ILDR1: variants seen among roughly 807,000 people sequenced by gnomAD.
ILDR1 encodes immunoglobulin-like domain-containing receptor 1.
ILDR1 carries 56 observed loss-of-function variants against 62.4 expected under a neutral mutation model. The ratio of observed to expected loss-of-function variants is 0.90; its 90% confidence interval spans 0.72 to 1.12. ILDR1 has a LOEUF of 1.12. Among genes scored for constraint, ILDR1 ranks in the 50% most tolerant of loss-of-function variants. ILDR1 has a pLI of 0.00. For missense variants in ILDR1, 736 were observed against 710.6 expected (o/e 1.04, Z -0.41); for synonymous variants, 284 against 277.8 (o/e 1.02, Z -0.22).
chr3:121,997,200 C>A (rs995103316), intron 5 of ILDR1, among the ~76,000 whole-genome samples: 1 of 152,208 alleles, frequency 6.6e-6, no homozygotes, highest in Non-Finnish European at 1.5e-5. Flanking sequence ...CATGCCCAGC[C>A]CTTGCCCTTC....
chr3:121,994,987 TG>T (rs916387669), intron 5 of ILDR1, among the ~76,000 whole-genome samples: 34 of 151,916 alleles, frequency 2.2e-4, no homozygotes, highest in African/African-American at 7.7e-4. Context: ...TTCTCAGGGG[TG>T]GGGTGGAAGC....
intron 1 of ILDR1, among the ~76,000 whole-genome samples, chr3:122,014,777 G>T (rs973564623): frequency 7.9e-5 from 12 of 151,836 alleles, no homozygotes; most frequent in African/African-American, 1.7e-4. Context: ...ATTTTTTTTT[G>T]ATAAACTACT....
chr3:122,052,162 A>C, the ILDR1 span, among the ~76,000 whole-genome samples: 1 of 152,198 alleles, frequency 6.6e-6, no homozygotes. Flanking sequence ...AGAAGAGGGC[A>C]CTGAGCTGTA....
chr3:122,021,868 C>T, intron 1 of ILDR1, 152 bp downstream of exon 1: 1 of 681,142 alleles, frequency 1.5e-6, no homozygotes, highest in Admixed American at 2.5e-5. Flanking sequence ...AAACTCGATC[C>T]AGTCCCCGCA....
intron 1 of ILDR1, among the ~76,000 whole-genome samples, chr3:122,011,677 T>TACACACACACACACACA (rs139879742): frequency 4.5e-5 from 6 of 133,138 alleles, no homozygotes; most frequent in African/African-American, 1.8e-4. Flanking sequence ...TCTCTCTCTT[T>TACACACACACACACACA]CACACACACA....
the ILDR1 span, among the ~76,000 whole-genome samples, chr3:122,031,260 T>A: frequency 2.0e-5 from 3 of 152,166 alleles, no homozygotes; most frequent in Non-Finnish European, 4.4e-5. Context: ...AGATCAGTAG[T>A]TTTCACACTG....
intron 5 of ILDR1, among the ~76,000 whole-genome samples, chr3:121,995,651 G>T (rs1424839202): frequency 6.6e-6 from 1 of 152,224 alleles, no homozygotes; most frequent in East Asian, 1.9e-4. Flanking sequence ...TGATCACCTG[G>T]AGCCTCCCTG....
At chr3:122,049,401 A>G in the ILDR1 span, among the ~76,000 whole-genome samples, 1 of 152,214 alleles carries the variant, frequency 6.6e-6, no homozygotes, top group African/African-American at 2.4e-5. Flanking sequence ...TTTGGTCTAT[A>G]GTGTCGATCA....
the ILDR1 span, among the ~76,000 whole-genome samples, chr3:122,040,337 T>C: frequency 2.0e-5 from 3 of 152,070 alleles, no homozygotes; most frequent in South Asian, 2.1e-4. Flanking sequence ...AGTTGGGAAA[T>C]GGGTTTTGTC....
the ILDR1 span, among the ~76,000 whole-genome samples, chr3:122,034,321 G>T: frequency 2.4e-3 from 367 of 152,266 alleles, 2 homozygotes; most frequent in African/African-American, 8.4e-3. Context: ...TCACTTCAGA[G>T]ATGTAGAGAG....
the ILDR1 span, among the ~76,000 whole-genome samples, chr3:122,055,149 G>T: frequency 6.6e-6 from 1 of 152,104 alleles, no homozygotes; most frequent in African/African-American, 2.4e-5. Context: ...TTTTTTGAGG[G>T]AATTTCAAGA....
intron 3 of ILDR1, among the ~76,000 whole-genome samples, chr3:122,004,776 C>CAGTG (rs1431519250): frequency 6.6e-6 from 1 of 152,176 alleles, no homozygotes; most frequent in Non-Finnish European, 1.5e-5. Context: ...AGTCCAAGCC[C>CAGTG]AGTGTTCTTT....
At chr3:122,031,976 T>G in the ILDR1 span, among the ~76,000 whole-genome samples, 1 of 152,202 alleles carries the variant, frequency 6.6e-6, no homozygotes, top group Non-Finnish European at 1.5e-5. Context: ...TTTTTAAAAT[T>G]GAAGTATAAG....
intron 1 of ILDR1, among the ~76,000 whole-genome samples, chr3:122,010,138 C>T (rs1004060143): frequency 1.1e-4 from 16 of 152,086 alleles, no homozygotes; most frequent in South Asian, 2.1e-4. Context: ...AAGGAGGGAG[C>T]AAAGAGCCTT....
At chr3:122,001,257 C>T (rs372743080) in intron 5 of ILDR1, 51 bp downstream of exon 5, 53 of 1,605,396 alleles carry the variant, frequency 3.3e-5, no homozygotes, top group Admixed American at 2.8e-4. Flanking sequence ...ATCTGCTTGA[C>T]GTCCTGGTCC....
the ILDR1 span, among the ~76,000 whole-genome samples, chr3:122,045,973 G>T: frequency 6.8e-6 from 1 of 148,052 alleles, no homozygotes; most frequent in South Asian, 2.2e-4. Flanking sequence ...GATGTTAGCT[G>T]GTTATTTTGC....
the ILDR1 span, among the ~76,000 whole-genome samples, chr3:122,028,110 T>G: frequency 2.5e-4 from 38 of 151,520 alleles, no homozygotes; most frequent in East Asian, 1.6e-3. Flanking sequence ...GGCAGATCAC[T>G]AGGTCAGGAG....
At chr3:122,023,110 A>G (rs185745621), upstream of ILDR1, among the ~76,000 whole-genome samples, 4 of 150,970 alleles carry the variant, frequency 2.6e-5, no homozygotes, top group Admixed American at 1.3e-4. Flanking sequence ...AAGTAGGTAT[A>G]TTTATTTATT....
chr3:122,058,113 T>C, the ILDR1 span, among the ~76,000 whole-genome samples: 2 of 152,242 alleles, frequency 1.3e-5, no homozygotes, highest in African/African-American at 2.4e-5. Flanking sequence ...TCAGGAATTG[T>C]TAGTAGTTTT....
Sources: gnomAD v4.1 joint callset for allele counts (sites outside exome capture counted in the v4.1 genomes callset) on GRCh38, gnomAD v4.1.1 for gene constraint, MANE v1.5 for transcripts, NCBI Gene and HGNC (gene_info 2026-07-23, HGNC 2026-07-21) for gene names.